Variants in NRXN1 observed in about 807,000 individuals in gnomAD.
The protein encoded by NRXN1 is neurexin 1.
Under a neutral mutation model 150.9 loss-of-function variants are expected in NRXN1, and 39 were observed. The ratio of observed to expected loss-of-function variants is 0.26; its 90% confidence interval spans 0.20 to 0.34. NRXN1 has a LOEUF of 0.34. Ranked by LOEUF, NRXN1 falls within the 10% of genes least tolerant of loss-of-function variation. The pLI is 1.00. For synonymous variants in NRXN1, 924 were observed against 757.0 expected, an observed-to-expected ratio of 1.22 and a Z score of -3.62; for missense variants, 1,815 against 1,949.9, an observed-to-expected ratio of 0.93 and a Z score of 1.30.
chr2:50,003,515 T>G (rs1267139912), intron 21 of NRXN1, among the ~76,000 whole-genome samples: 1 of 152,114 alleles, frequency 6.6e-6, no homozygotes, highest in Non-Finnish European at 1.5e-5. Context: ...CCTCCTAATT[T>G]GAAAGTTGAT....
chr2:50,310,807 G>T (rs577165201), intron 17 of NRXN1, among the ~76,000 whole-genome samples: 5 of 151,942 alleles, frequency 3.3e-5, no homozygotes, highest in Non-Finnish European at 7.4e-5. Context: ...GAAAATATTC[G>T]TGAAGACGAG....
intron 22 of NRXN1, among the ~76,000 whole-genome samples, chr2:49,933,587 G>A (rs1217244102): frequency 3.3e-5 from 5 of 152,096 alleles, no homozygotes; most frequent in Non-Finnish European, 7.3e-5. Flanking sequence ...TTGAGTGACA[G>A]TTTGCAGTTC....
intron 5 of NRXN1, among the ~76,000 whole-genome samples, chr2:50,913,277 G>T (rs1024386120): frequency 6.6e-6 from 1 of 151,688 alleles, no homozygotes; most frequent in South Asian, 2.1e-4. Context: ...GTGAACTAGG[G>T]TTTCCCTGTG....
chr2:50,451,735 A>G (rs2086985562), intron 17 of NRXN1, among the ~76,000 whole-genome samples: 1 of 152,216 alleles, frequency 6.6e-6, no homozygotes, highest in Non-Finnish European at 1.5e-5. Context: ...TGGAATTTGA[A>G]ATGAGTTCTA....
intron 19 of NRXN1, among the ~76,000 whole-genome samples, chr2:50,090,416 A>G (rs1699397891): frequency 6.6e-6 from 1 of 152,160 alleles, no homozygotes; most frequent in South Asian, 2.1e-4. Context: ...TGTGTTATAA[A>G]TTGTGTGCTT....
chr2:50,276,388 G>C (rs1342343741), intron 17 of NRXN1, among the ~76,000 whole-genome samples: 3 of 152,142 alleles, frequency 2.0e-5, no homozygotes, highest in Non-Finnish European at 2.9e-5. Context: ...TTAAAAGGTA[G>C]AGTTTCTGCA....
chr2:50,495,883 C>A (rs1320011098), intron 15 of NRXN1, 22 bp downstream of exon 15: 1 of 1,555,944 alleles, frequency 6.4e-7, no homozygotes, highest in African/African-American at 1.4e-5. Flanking sequence ...AGGCTCGTTG[C>A]TCTGACTTAA....
chr2:50,543,822 T>C (rs879569816), intron 9 of NRXN1, among the ~76,000 whole-genome samples: 1 of 152,172 alleles, frequency 6.6e-6, no homozygotes, highest in Non-Finnish European at 1.5e-5. Flanking sequence ...ATAAGTTAAG[T>C]TGATGTCAAG....
chr2:50,801,568 GATATTTAAAAATAAACAAAAACAAACCC>G (rs1707600540), intron 5 of NRXN1, among the ~76,000 whole-genome samples: 1 of 152,020 alleles, frequency 6.6e-6, no homozygotes, highest in Admixed American at 6.6e-5. Flanking sequence ...CACAAGCTTT[GATATTTAAAAATAAACAAAAACAAACCC>G]AGATACTCCC....
At chr2:50,983,773 T>C (rs1345235046) in intron 2 of NRXN1, among the ~76,000 whole-genome samples, 1 of 152,110 alleles carries the variant, frequency 6.6e-6, no homozygotes, top group Non-Finnish European at 1.5e-5. Context: ...ATGGATCTTG[T>C]CTATGTAAAC....
At chr2:50,722,436 T>C (rs1048254459) in intron 5 of NRXN1, among the ~76,000 whole-genome samples, 2 of 152,124 alleles carry the variant, frequency 1.3e-5, no homozygotes, top group African/African-American at 4.8e-5. Context: ...ATCCACACAA[T>C]GGAATACCAC....
At chr2:50,478,070 A>G (rs1252477613) in intron 15 of NRXN1, among the ~76,000 whole-genome samples, 1 of 152,152 alleles carries the variant, frequency 6.6e-6, no homozygotes, top group Non-Finnish European at 1.5e-5. Flanking sequence ...TTGCACACAC[A>G]TAAAGGAATA....
chr2:50,537,676 T>C (rs915965273), intron 10 of NRXN1, among the ~76,000 whole-genome samples: 2 of 152,206 alleles, frequency 1.3e-5, no homozygotes, highest in African/African-American at 4.8e-5. Context: ...CAAAGGTAAG[T>C]ACTTTTTCTA....
chr2:50,602,224 G>A (rs1487381563), intron 8 of NRXN1, among the ~76,000 whole-genome samples: 1 of 152,066 alleles, frequency 6.6e-6, no homozygotes. Context: ...CAGCACACAT[G>A]TACTATATTC....
Position 49,920,605 on chromosome 2 carries a change from C to T in NRXN1, c.*1339G>A, listed in dbSNP as rs200349348. On this transcript the variant is annotated 3_prime_UTR_variant, in exon 23 of 23. Coordinates refer to ENST00000401669, the MANE Select transcript of NRXN1 (RefSeq NM_001330078.2). The stretch of plus-strand genomic sequence containing the variant: ...TTGTCATCAATACCTTGGCACAACC[C>T]TCTTCCTTCCTGCTTTTCAATTTGT... The T allele has an allele frequency of 6.6e-6, 1 of 152,596 alleles. No homozygotes were observed. Among genetic ancestry groups the T allele is most frequent in the South Asian group, 2.1e-4 (1 of 4,824 alleles). The allele number at this position is 152,596 out of a possible 1,614,324, so 9.5% of individuals were successfully genotyped here.
intron 5 of NRXN1, among the ~76,000 whole-genome samples, chr2:50,722,481 A>C (rs1004051567): frequency 1.3e-5 from 2 of 152,182 alleles, no homozygotes; most frequent in African/African-American, 4.8e-5. Flanking sequence ...CAGAATATTT[A>C]ATGATTTGGG....
At chr2:50,900,592 A>G (rs148240278) in intron 5 of NRXN1, among the ~76,000 whole-genome samples, 1 of 152,304 alleles carries the variant, frequency 6.6e-6, no homozygotes, top group East Asian at 1.9e-4. Context: ...GATAGCATGA[A>G]CAGACCTACT....
rs112086713 is a variant in NRXN1 at position 50,195,629 on chromosome 2, T to C, written c.3546+41160A>G. Among the ~76,000 whole-genome samples the C allele has an allele frequency of 1.4e-4, 22 of 152,304 alleles. 1 individual carries two copies. Among genetic ancestry groups the C allele is most frequent in the African/African-American group, 5.0e-4 (21 of 41,586 alleles). On this transcript the variant is annotated intron_variant, in intron 18 of 22. Coordinates refer to ENST00000401669, the MANE Select transcript of NRXN1 (RefSeq NM_001330078.2). ...TCTCCACTGGCATTGCTTTTGATTG[T>C]CACTCTCCTCCCTCTTCCCAAGACA...
intron 17 of NRXN1, among the ~76,000 whole-genome samples, chr2:50,264,638 A>G (rs1291204707): frequency 1.3e-5 from 2 of 152,220 alleles, no homozygotes; most frequent in East Asian, 3.9e-4. Context: ...CTCCAGCACA[A>G]GGATGATCTC....
Sources: allele counts gnomAD v4.1 joint callset (sites outside exome capture counted in the v4.1 genomes callset), GRCh38; gene constraint gnomAD v4.1.1; transcripts MANE v1.5; gene names NCBI Gene and HGNC (gene_info 2026-07-23, HGNC 2026-07-21).